The following ZNF385A variants were observed in gnomAD, a reference collection of about 807,000 sequenced individuals.
ZNF385A encodes hematopoietic zinc finger protein.
Under a neutral mutation model 32.1 loss-of-function variants are expected in ZNF385A, and 14 were observed. That is an observed-to-expected ratio of 0.44 (90% confidence interval 0.29 to 0.68). The LOEUF is 0.68. ZNF385A is among the 30% of genes least tolerant of loss of function. ZNF385A has a pLI of 0.14. For synonymous variants in ZNF385A, 197 were observed against 202.7 expected (o/e 0.97, Z 0.24); for missense variants, 406 against 478.4 (o/e 0.85, Z 1.41).
chr12:54,378,559 A>T (rs546975499), intron 1 of ZNF385A, among the ~76,000 whole-genome samples: 1 of 152,204 alleles, frequency 6.6e-6, no homozygotes, highest in South Asian at 2.1e-4. Context: ...CCTTTATCTG[A>T]TGGAACTGCT....
intron 1 of ZNF385A, among the ~76,000 whole-genome samples, chr12:54,390,985 G>T (rs1592278939): frequency 6.6e-6 from 1 of 152,072 alleles, no homozygotes; most frequent in Non-Finnish European, 1.5e-5. Flanking sequence ...ATTATGGGGC[G>T]GGGGTCTCAC....
intron 3 of ZNF385A, 91 bp from the exon 4 acceptor site, chr12:54,371,806 G>A: frequency 6.4e-7 from 1 of 1,567,716 alleles, no homozygotes; most frequent in Non-Finnish European, 8.6e-7. Context: ...TTCCTGGAGG[G>A]CAAGGGACCA....
intron 2 of ZNF385A, among the ~76,000 whole-genome samples, chr12:54,375,143 C>T (rs917693180): frequency 2.6e-5 from 4 of 151,942 alleles, no homozygotes; most frequent in African/African-American, 7.3e-5. Context: ...CTCAGCAGAA[C>T]GAGGCTCTGC....
At chr12:54,379,742 C>A (rs145523149) in intron 1 of ZNF385A, among the ~76,000 whole-genome samples, 2 of 152,306 alleles carry the variant, frequency 1.3e-5, no homozygotes, top group Admixed American at 6.5e-5. Flanking sequence ...CGACCTCAGA[C>A]TGGGGATGTC....
At chr12:54,372,884 CA>C in intron 3 of ZNF385A, 1 of 219,154 alleles carries the variant, frequency 4.6e-6, no homozygotes, top group South Asian at 4.3e-5. Flanking sequence ...ACTAAAAATA[CA>C]AAAATTACCC....
chr12:54,383,961 C>G (rs1234948516), intron 1 of ZNF385A, among the ~76,000 whole-genome samples: 1 of 152,170 alleles, frequency 6.6e-6, no homozygotes, highest in Non-Finnish European at 1.5e-5. Context: ...TAAATCTAGA[C>G]CACCTTGCCA....
intron 1 of ZNF385A, chr12:54,379,003 G>A (rs1016824152): frequency 4.1e-4 from 398 of 962,596 alleles, no homozygotes; most frequent in Non-Finnish European, 4.7e-4. Context: ...GGGCGGGGAC[G>A]GGGTGGGGGT....
In ZNF385A at chr12:54,384,449, G is replaced by T. The variant is rs775218036; in HGVS notation, c.66C>A (p.Gly22=). The T allele has an allele frequency of 9.4e-6, 15 of 1,593,306 alleles. No homozygotes were observed. The highest frequency in any genetic ancestry group is 1.7e-4 in the Middle Eastern group (1 of 6,006). Residue 22 remains glycine (G), a synonymous_variant, in exon 1 of 7, where the codon GGC becomes GGA. Coordinates refer to ENST00000394313, the MANE Select transcript of ZNF385A (RefSeq NM_015481.3). ...PFPLEPAPTL[G]LFSNYSTMDP... is the part of the protein sequence containing the mutation. ...TTACGGTGCTGTAGTTGCTGAAGAG[G>T]CCAAGGGTAGGGGCTGGCTCGAGTG...
chr12:54,385,810 CAGT>C (rs887020630), upstream of ZNF385A: 2 of 225,546 alleles, frequency 8.9e-6, no homozygotes, highest in African/African-American at 4.7e-5. Context: ...TCAGCCCAGT[CAGT>C]AGAATCAGCC....
Position 54,370,728 on chromosome 12 carries a change from G to C in ZNF385A, c.775-7C>G, listed in dbSNP as rs114673110. On this transcript the variant is annotated splice_region_variant and splice_polypyrimidine_tract_variant and intron_variant, in intron 5 of 6. Transcript: ENST00000394313. The surrounding 1 kb of genome is among the most constrained non-coding windows in gnomAD (Gnocchi z 5.5). The stretch of plus-strand genomic sequence containing the variant: ...GCCGCCGGCTGGAGATGTGCTGCGG[G>C]GGCCAGTGGATAGGGGGCTGTGAGC... 5 of 1,585,264 alleles carry C rather than the reference G, an allele frequency of 3.2e-6. No homozygotes were observed. The highest frequency in any genetic ancestry group is 3.4e-6 in the Non-Finnish European group (4 of 1,169,026).
At position 54,379,300 on chromosome 12, in the gene ZNF385A, G is replaced by C. The variant is rs1039979786; in HGVS notation, c.88-3346C>G. ...GGACAGGGACAGGGACAGGGACAGG[G>C]AGCTGAAGAGGAATGAAAGGGGGCT... On this transcript the variant is annotated intron_variant, in intron 1 of 6. Transcript: ENST00000394313. 8.0e-6 allele frequency: 5 copies of C among 625,204 alleles called. No homozygotes were observed. In the Middle Eastern group the frequency reaches 3.9e-3, roughly 484 times the overall value. 38.7% of individuals were successfully genotyped at this position (625,204 alleles called of 1,614,324 possible).
chr12:54,385,520 TGCTCCAGTAACCCCCTGACA>T (rs953950026), upstream of ZNF385A, among the ~76,000 whole-genome samples: 2 of 152,162 alleles, frequency 1.3e-5, no homozygotes, highest in Non-Finnish European at 2.9e-5. Flanking sequence ...CGCCCTTCAC[TGCTCCAGTAACCCCCTGACA>T]GCAACAGGGG....
chr12:54,372,191 G>A (rs1040134555), intron 3 of ZNF385A, among the ~76,000 whole-genome samples: 1 of 152,218 alleles, frequency 6.6e-6, no homozygotes, highest in Non-Finnish European at 1.5e-5. Flanking sequence ...AAGGGAAATA[G>A]AAACATCAGA....
At position 54,371,571 on chromosome 12, in the gene ZNF385A, C is replaced by T; in HGVS notation, c.506G>A (p.Gly169Asp). The change falls in exon 4 of 7, where the codon GGT becomes GAT. Residue 169 changes from glycine (G) to aspartate (D), a missense_variant. By Grantham distance (94) the Gly-to-Asp change is moderately conservative (BLOSUM62 -1). Transcript: ENST00000394313. ...GTPAPASLPGGSKEEEEKAKR... is the reference protein window; with the variant it reads ...GTPAPASLPGDSKEEEEKAKR... ...GGCTTTCTCCTCCTCTTCCTTGCTACCCCCAGGCAAGGAAGCCGGGGCTGG... is the reference window on the plus strand; with the variant it reads ...GGCTTTCTCCTCCTCTTCCTTGCTATCCCCAGGCAAGGAAGCCGGGGCTGG... 1 of 1,613,682 alleles carries T rather than the reference C, an allele frequency of 6.2e-7. No individual in the cohort carries two copies. The highest frequency in any genetic ancestry group is 8.5e-7 in the Non-Finnish European group (1 of 1,179,806).
chr12:54,391,276 C>T, exon 1 of ZNF385A: 1 of 1,338,550 alleles, frequency 7.5e-7, no homozygotes. Flanking sequence ...GGTTCCGCGT[C>T]GCTCTGTCCC....
chr12:54,390,514 A>G (rs1592278137), intron 1 of ZNF385A, among the ~76,000 whole-genome samples: 2 of 152,012 alleles, frequency 1.3e-5, no homozygotes, highest in South Asian at 4.2e-4. Context: ...GAAGTGAGGA[A>G]AGAGGGACTT....
Position 54,384,586 on chromosome 12 carries a change from C to T in ZNF385A, c.-72G>A, listed in dbSNP as rs1955369664. The stretch of plus-strand genomic sequence containing the variant: ...CTGCCTGAAGGGCAGAGAAAACATT[C>T]TGTGGGGTAGGAAGATTAAAGCTTG... On this transcript the variant is annotated 5_prime_UTR_variant, in exon 1 of 7. Transcript: ENST00000394313. 1 of 1,440,742 alleles carries T rather than the reference C, an allele frequency of 6.9e-7. No homozygotes were observed. The highest frequency in any genetic ancestry group is 1.5e-5 in the African/African-American group (1 of 68,346). 89.2% of individuals were successfully genotyped at this position (1,440,742 alleles called of 1,614,324 possible). A position where few individuals can be genotyped will look rare whatever the true frequency, so the allele number is the denominator to read the frequency against.
upstream of ZNF385A, chr12:54,384,813 C>T: frequency 2.5e-6 from 3 of 1,222,898 alleles, no homozygotes; most frequent in Non-Finnish European, 3.1e-6. Context: ...CAGCCTCCCT[C>T]CCCCAAACTC....
rs541791111 is a variant in ZNF385A at position 54,370,662 on chromosome 12, G to A, written c.834C>T (p.Ser278=). 3 of 1,605,616 alleles carry A rather than the reference G, an allele frequency of 1.9e-6. No individual in the cohort carries two copies. The South Asian group carries it at 3.3e-5, about 18-fold the overall frequency. The change falls in exon 6 of 7, where the codon AGC becomes AGT. Residue 278 remains serine, a synonymous_variant. Coordinates refer to ENST00000394313, the MANE Select transcript of ZNF385A (RefSeq NM_015481.3). The surrounding 1 kb of genome is among the most constrained non-coding windows in gnomAD (Gnocchi z 5.5). The stretch of plus-strand genomic sequence containing the variant: ...CGGCGCCCCTAGACTTCTTGTGACG[G>A]CTCAGTAGTGGGTTGGGCTTCCCGG... ...GVAGKPNPLL[S]RHKKSRGAGE...
Sources: allele counts gnomAD v4.1 joint callset (sites outside exome capture counted in the v4.1 genomes callset), GRCh38; gene constraint gnomAD v4.1.1; non-coding constraint Gnocchi (gnomAD v3.1); transcripts MANE v1.5; gene names NCBI Gene and HGNC (gene_info 2026-07-23, HGNC 2026-07-21).